The following KNL1 variants were observed in gnomAD, a reference collection of about 807,000 sequenced individuals.
KNL1 encodes the protein outer kinetochore KNL1 complex subunit KNL1.
A neutral mutation model predicts 201.3 loss-of-function variants in KNL1; 66 were observed. The ratio of observed to expected loss-of-function variants is 0.33; its 90% CI spans 0.27 to 0.40. The LOEUF is 0.40. Ranked by LOEUF, KNL1 falls within the 10% of genes least tolerant of loss-of-function variation. The probability of loss-of-function intolerance (pLI) is 1.00; values close to 1 mark genes in which losing one functional copy is unlikely to be tolerated. For missense variants in KNL1, 2,815 were observed against 2,690.5 expected (o/e 1.05, Z -1.02); for synonymous variants, 895 against 899.2 (o/e 1.00, Z 0.08).
chr15:40,655,022 G>T, intron 22 of KNL1, 45 bp downstream of exon 22: 1 of 1,452,866 alleles, frequency 6.9e-7, no homozygotes, highest in Non-Finnish European at 9.6e-7. Flanking sequence ...TTGGGGCTGG[G>T]CACTATGGCT....
intron 8 of KNL1, among the ~76,000 whole-genome samples, chr15:40,617,747 A>G (rs1220602827): frequency 6.6e-6 from 1 of 151,776 alleles, no homozygotes. Context: ...GGTGGGAGAT[A>G]CTCCTCCTTG....
intron 1 of KNL1, among the ~76,000 whole-genome samples, chr15:40,602,463 T>A (rs1300675670): frequency 1.4e-5 from 2 of 142,420 alleles, no homozygotes; most frequent in Non-Finnish European, 3.0e-5. Context: ...ATCTTCATAA[T>A]GTAGTTTTTT....
intron 13 of KNL1, 76 bp from the exon 14 acceptor site, chr15:40,640,836 T>G: frequency 1.1e-6 from 1 of 888,204 alleles, no homozygotes; most frequent in Non-Finnish European, 1.8e-6. Flanking sequence ...ATAGGCACTC[T>G]GAAATTTGAG....
chr15:40,659,597 A>G (rs1319994286), intron 25 of KNL1, 136 bp downstream of exon 25: 4 of 611,346 alleles, frequency 6.5e-6, no homozygotes, highest in Non-Finnish European at 1.0e-5. Context: ...GGTTCACGCC[A>G]TTCTCCTGCC....
At chr15:40,659,198 G>C in intron 24 of KNL1, 141 bp from the exon 25 acceptor site, 2 of 508,914 alleles carry the variant, frequency 3.9e-6, no homozygotes, top group East Asian at 8.1e-5. Flanking sequence ...TTGGGAGGTG[G>C]AGGTTGCAGT....
chr15:40,630,583 C>T (rs1428965021), intron 13 of KNL1, among the ~76,000 whole-genome samples: 1 of 152,154 alleles, frequency 6.6e-6, no homozygotes, highest in East Asian at 1.9e-4. Context: ...GCTCTGCCTC[C>T]TTTCAGATCA....
At chr15:40,637,952 C>T (rs1447896644) in intron 13 of KNL1, among the ~76,000 whole-genome samples, 1 of 151,820 alleles carries the variant, frequency 6.6e-6, no homozygotes, top group Non-Finnish European at 1.5e-5. Context: ...CCAAGGCAGG[C>T]AGATTGCCTG....
intron 17 of KNL1, among the ~76,000 whole-genome samples, chr15:40,649,348 T>A (rs930607244): frequency 2.6e-5 from 4 of 151,536 alleles, no homozygotes; most frequent in African/African-American, 7.3e-5. Flanking sequence ...CAGGCTGGAG[T>A]GCAGTGGCAT....
chr15:40,651,445 C>G, intron 19 of KNL1, 26 bp from the exon 20 acceptor site: 1 of 1,518,142 alleles, frequency 6.6e-7, no homozygotes, highest in African/African-American at 1.4e-5. Context: ...AACCTTATCT[C>G]TCTGAATACC....
In KNL1 at chr15:40,625,300, C is replaced by T. The variant is rs753556107; in HGVS notation, c.5036C>T (p.Thr1679Ile). 2 of 1,613,952 alleles carry T rather than the reference C, an allele frequency of 1.2e-6. No homozygotes were observed. The highest frequency in any genetic ancestry group is 1.3e-5 in the African/African-American group (1 of 74,908). The stretch of plus-strand genomic sequence containing the variant: ...CTGGAACAGATTCCAGCAGACACAA[C>T]TGATATAAATCACTTAGAAACTCAG... ...DDLEQIPADT[T>I]DINHLETQPV... The change falls in exon 10 of 26, where the codon ACT becomes ATT. Residue 1679 changes from threonine to isoleucine, a missense_variant. This residue lies in a region of KNL1 where 2,464 missense variants were observed against 2,291.7 expected (regional missense o/e 1.08). Transcript: ENST00000399668.
chr15:40,641,458 G>A (rs532474630), intron 14 of KNL1, among the ~76,000 whole-genome samples: 9 of 152,182 alleles, frequency 5.9e-5, no homozygotes, highest in Non-Finnish European at 1.2e-4. Context: ...ATTTACGCAA[G>A]TTGAGTAACC....
At position 40,618,870 on chromosome 15, in the gene KNL1, A is replaced by G. The variant is rs75237170; in HGVS notation, c.323-89A>G. On this transcript the variant is annotated intron_variant, in intron 8 of 25. Transcript: ENST00000399668. Reference sequence around the variant, plus strand: ...CTTAGTTACTGGTAAATTCTAGTAAATACTTGTAACTGATGAAGAACCTAA... The same window carrying G: ...CTTAGTTACTGGTAAATTCTAGTAAGTACTTGTAACTGATGAAGAACCTAA... The G allele has an allele frequency of 3.2e-3, 2,501 of 788,276 alleles. 10 individuals are homozygous for G. Among genetic ancestry groups the G allele is most frequent in the Non-Finnish European group, 4.9e-3 (2,246 of 462,992 alleles). 48.8% of individuals were successfully genotyped at this position (788,276 alleles called of 1,614,324 possible).
Position 40,657,134 on chromosome 15 carries a change from C to A in KNL1, c.6577C>A (p.Gln2193Lys), listed in dbSNP as rs748855649. 3.1e-6 allele frequency: 5 copies of A among 1,597,268 alleles called. No individual in the cohort carries two copies. In the East Asian group the frequency reaches 1.1e-4, roughly 36 times the overall value. ...KESWKKTCTT[Q>K]HQLPKMLEEF... Reference sequence around the variant, plus strand: ...ATCCTGGAAGAAGACATGTACAACCCAGCATCAGTTACCCAAGGTAAAGCC... The same window carrying A: ...ATCCTGGAAGAAGACATGTACAACCAAGCATCAGTTACCCAAGGTAAAGCC... The change falls in exon 23 of 26, where the codon CAG (glutamine) becomes AAG (lysine). Residue 2193 changes from glutamine to lysine, a missense_variant. By Grantham distance (53) the Gln-to-Lys change is moderately conservative (BLOSUM62 1). Around this residue, in one of 3 missense-constraint regions of KNL1, gnomAD observed 334 missense variants for 362.6 expected, o/e 0.92. Coordinates refer to ENST00000399668, the MANE Select transcript of KNL1 (RefSeq NM_144508.5).
chr15:40,654,587 AG>A (rs1453915851), intron 21 of KNL1, among the ~76,000 whole-genome samples: 1 of 150,870 alleles, frequency 6.6e-6, no homozygotes, highest in African/African-American at 2.4e-5. Context: ...AAAAAAAAAA[AG>A]GCCAGGCACG....
intron 2 of KNL1, among the ~76,000 whole-genome samples, chr15:40,603,604 C>T (rs1891880304): frequency 6.6e-6 from 1 of 152,154 alleles, no homozygotes; most frequent in Admixed American, 6.5e-5. Context: ...CCCATCTCTA[C>T]AAAAAATAAA....
At chr15:40,632,528 A>T (rs550222999) in intron 13 of KNL1, among the ~76,000 whole-genome samples, 11 of 152,052 alleles carry the variant, frequency 7.2e-5, no homozygotes, top group African/African-American at 2.7e-4. Context: ...CTTGAGCCCA[A>T]CAGGCAGAAC....
intron 1 of KNL1, among the ~76,000 whole-genome samples, chr15:40,594,806 AAGTGACAGCAATG>A (rs1487496853): frequency 6.6e-6 from 1 of 152,214 alleles, no homozygotes; most frequent in Non-Finnish European, 1.5e-5. Flanking sequence ...GCTCTAAATG[AAGTGACAGCAATG>A]AGTGATTTTA....
intron 9 of KNL1, 149 bp from the exon 10 acceptor site, chr15:40,620,491 A>G (rs963928235): frequency 2.2e-6 from 1 of 453,054 alleles, no homozygotes; most frequent in Non-Finnish European, 3.8e-6. Context: ...TTTAATGACA[A>G]ATTATATGCA....
chr15:40,624,949 A>G lies in KNL1; in HGVS notation c.4685A>G (p.Asn1562Ser). ...PCFHSIKPNL[N>S]NLNGKTGEFL... is the part of the protein sequence containing the mutation. ...TTTCATAGTATCAAACCAAATCTGA[A>G]TAATTTGAATGGAAAAACTGGAGAG... The change falls in exon 10 of 26, where the codon AAT (asparagine) becomes AGT (serine). Residue 1562 changes from asparagine (N) to serine (S), a missense_variant. Coordinates refer to ENST00000399668, the MANE Select transcript of KNL1 (RefSeq NM_144508.5). The G allele has an allele frequency of 1.9e-6, 3 of 1,613,842 alleles. No homozygotes were observed. The highest frequency in any genetic ancestry group is 2.5e-6 in the Non-Finnish European group (3 of 1,179,948).
Sources: gnomAD v4.1 joint callset for allele counts (sites outside exome capture counted in the v4.1 genomes callset) on GRCh38, gnomAD v4.1.1 for gene constraint, gnomAD v4.1.1 regional missense constraint, MANE v1.5 for transcripts, NCBI Gene and HGNC (gene_info 2026-07-23, HGNC 2026-07-21) for gene names.